HIVEP3: variants seen among roughly 807,000 people sequenced by gnomAD.
The protein encoded by HIVEP3 is transcription factor HIVEP3.
In HIVEP3, 49 loss-of-function variants were observed where a neutral mutation model predicts 152.8. That is an observed-to-expected ratio of 0.32 (90% CI 0.26 to 0.41). The LOEUF (loss-of-function observed/expected upper bound fraction) is 0.41, where lower values mean the gene tolerates loss of function less well. HIVEP3 is among the 10% of genes least tolerant of loss of function. The pLI is 1.00. For synonymous variants in HIVEP3, 1,269 were observed against 1,289.0 expected (o/e 0.98, Z 0.33); for missense variants, 2,790 against 3,103.3 (o/e 0.90, Z 2.40).
chr1:41,584,877 A>G lies in HIVEP3; in HGVS notation c.-80T>C. 7.5e-7 allele frequency: 1 copy of G among 1,332,428 alleles called. No homozygotes were observed. The highest frequency in any genetic ancestry group is 2.5e-5 in the East Asian group (1 of 40,226). The allele number at this position is 1,332,428 out of a possible 1,614,324, so 82.5% of individuals were successfully genotyped here. ...TATGAATAATCCCAGTGTCCCAAGG[A>G]GGTGTCCAGCTTTGGCCACATTGGT... On this transcript the variant is annotated 5_prime_UTR_variant, in exon 4 of 9. Coordinates refer to ENST00000372583, the MANE Select transcript of HIVEP3 (RefSeq NM_024503.5). This position sits in a 1 kb window ranked among gnomAD's most constrained non-coding sequence, Gnocchi z 5.2.
At position 41,583,372 on chromosome 1, in the gene HIVEP3, C is replaced by T. The variant is rs1290816861; in HGVS notation, c.1426G>A (p.Val476Met). 4 of 1,613,056 alleles carry T rather than the reference C, an allele frequency of 2.5e-6. No homozygotes were observed. The highest frequency in any genetic ancestry group is 2.2e-5 in the East Asian group (1 of 44,850). ...TKLITINEAV[V>M]DTSEIDSVKP... ...ACGCTGTCGATCTCGCTGGTGTCCA[C>T]CACGGCCTCGTTGATGGTGATGAGC... Residue 476 changes from valine to methionine, a missense_variant, in exon 4 of 9, where the codon GTG becomes ATG. Coordinates refer to ENST00000372583, the MANE Select transcript of HIVEP3 (RefSeq NM_024503.5). This position sits in a 1 kb window ranked among gnomAD's most constrained non-coding sequence, Gnocchi z 6.9.
intron 5 of HIVEP3, among the ~76,000 whole-genome samples, chr1:41,547,833 T>C (rs905700226): frequency 7.9e-5 from 12 of 151,150 alleles, no homozygotes; most frequent in African/African-American, 2.9e-4. Context: ...AGATATCCTT[T>C]CCTCCACACT....
chr1:41,582,722 A>G lies in HIVEP3; in HGVS notation c.2076T>C (p.His692=). The change falls in exon 4 of 9, where the codon CAT becomes CAC. Residue 692 remains histidine (H), a synonymous_variant. Coordinates refer to ENST00000372583, the MANE Select transcript of HIVEP3 (RefSeq NM_024503.5). The surrounding 1 kb of genome is among the most constrained non-coding windows in gnomAD (Gnocchi z 4.7). ...AATGCATCATTTGGGACCACGGCTC[A>G]TGCTCAATCTGACTCTTTTCAGCTT... ...SPEAEKSQIE[H]EPWSQMMHYK... is the part of the protein sequence containing the mutation. The G allele has an allele frequency of 6.2e-7, 1 of 1,614,170 alleles. No homozygotes were observed. Among genetic ancestry groups the G allele is most frequent in the East Asian group, 2.2e-5 (1 of 44,884 alleles).
In HIVEP3 at chr1:41,521,748, A is replaced by G. The variant is rs543562498; in HGVS notation, c.5383+2987T>C. On this transcript the variant is annotated intron_variant, in intron 6 of 8. Transcript: ENST00000372583. ...GAGGCGGAACCTCCGATAAAAGGGC[A>G]TCCACCAACAACCCTGCCTGCCTCA... Among the ~76,000 whole-genome samples, 18 of 152,354 alleles carry G rather than the reference A, an allele frequency of 1.2e-4. No individual in the cohort carries two copies. The East Asian group carries it at 3.1e-3, about 26-fold the overall frequency.
intron 5 of HIVEP3, among the ~76,000 whole-genome samples, chr1:41,545,552 C>CACCA (rs1643756575): frequency 8.2e-6 from 1 of 121,442 alleles, no homozygotes; most frequent in African/African-American, 3.0e-5. Flanking sequence ...CCACCATCAC[C>CACCA]ATCACTACCA....
intron 5 of HIVEP3, among the ~76,000 whole-genome samples, chr1:41,573,095 C>G (rs1305703115): frequency 3.3e-5 from 5 of 152,130 alleles, no homozygotes; most frequent in Non-Finnish European, 7.3e-5. Flanking sequence ...AGCTCCATAG[C>G]AGATCCTTCT....
At chr1:41,711,695 C>T (rs1397604612) in intron 1 of HIVEP3, among the ~76,000 whole-genome samples, 1 of 152,222 alleles carries the variant, frequency 6.6e-6, no homozygotes, top group Admixed American at 6.5e-5. Flanking sequence ...CTTCCTGCTA[C>T]CCCTTGGAGC....
At chr1:41,860,513 C>A (rs1643874181) in intron 1 of HIVEP3, among the ~76,000 whole-genome samples, 1 of 152,202 alleles carries the variant, frequency 6.6e-6, no homozygotes, top group Admixed American at 6.5e-5. Flanking sequence ...CTGGTCAAAA[C>A]CCTGCTAGGA....
intron 1 of HIVEP3, among the ~76,000 whole-genome samples, chr1:41,768,099 G>A (rs1456056048): frequency 6.6e-6 from 1 of 152,164 alleles, no homozygotes; most frequent in Non-Finnish European, 1.5e-5. Flanking sequence ...TTCCCCTCAA[G>A]CTGACACCAT....
chr1:41,546,048 GAC>G (rs1643796277), intron 5 of HIVEP3, among the ~76,000 whole-genome samples: 1 of 152,254 alleles, frequency 6.6e-6, no homozygotes, highest in South Asian at 2.1e-4. Flanking sequence ...CAACCTGAGT[GAC>G]CATGGCCCCT....
chr1:41,891,632 T>C (rs56245875), intron 1 of HIVEP3, among the ~76,000 whole-genome samples: 16,437 of 152,192 alleles, frequency 0.11, 1,167 homozygotes, highest in Non-Finnish European at 0.16. Flanking sequence ...TGTGTGGGGC[T>C]CCCTCCAGGT....
intron 5 of HIVEP3, among the ~76,000 whole-genome samples, chr1:41,525,154 G>A (rs1340102576): frequency 6.6e-6 from 1 of 152,190 alleles, no homozygotes; most frequent in African/African-American, 2.4e-5. Flanking sequence ...CAGAGCAGCA[G>A]ACACTGGCGC....
chr1:41,826,724 G>A (rs1326326490), intron 1 of HIVEP3, among the ~76,000 whole-genome samples: 2 of 152,190 alleles, frequency 1.3e-5, no homozygotes, highest in Non-Finnish European at 2.9e-5. Context: ...TTGTATGCTG[G>A]AGACGTGGTT....
At chr1:41,884,765 CTG>C (rs1644317000) in intron 1 of HIVEP3, among the ~76,000 whole-genome samples, 1 of 152,336 alleles carries the variant, frequency 6.6e-6, no homozygotes, top group South Asian at 2.1e-4. Context: ...GGTCTACCGT[CTG>C]TGCCTGGACT....
At chr1:41,669,177 G>T (rs187845556) in intron 2 of HIVEP3, among the ~76,000 whole-genome samples, 9 of 152,158 alleles carry the variant, frequency 5.9e-5, no homozygotes, top group Non-Finnish European at 1.0e-4. Flanking sequence ...TCCCAGCAAG[G>T]GTCCTGGGCA....
At chr1:41,702,835 A>T (rs1464991453) in intron 1 of HIVEP3, among the ~76,000 whole-genome samples, 1 of 152,222 alleles carries the variant, frequency 6.6e-6, no homozygotes, top group Non-Finnish European at 1.5e-5. Context: ...GGTCAAGGGT[A>T]AAGAGCCTTG....
upstream of HIVEP3, among the ~76,000 whole-genome samples, chr1:41,921,912 G>GCA (rs759340341): frequency 1.9e-4 from 29 of 151,398 alleles, no homozygotes; most frequent in Admixed American, 9.9e-4. Flanking sequence ...CAAAAAGTGC[G>GCA]CACACACACA....
chr1:41,719,847 T>C (rs1038185368), intron 1 of HIVEP3, among the ~76,000 whole-genome samples: 1 of 152,234 alleles, frequency 6.6e-6, no homozygotes, highest in African/African-American at 2.4e-5. Context: ...GTTCAGTGTC[T>C]TGCCTGAGTC....
chr1:41,666,587 TC>T (rs1645799380), intron 2 of HIVEP3, among the ~76,000 whole-genome samples: 1 of 152,154 alleles, frequency 6.6e-6, no homozygotes, highest in Non-Finnish European at 1.5e-5. Context: ...CTCAGAATCC[TC>T]CTCCTCTCAT....
Sources: allele counts gnomAD v4.1 joint callset (sites outside exome capture counted in the v4.1 genomes callset), GRCh38; gene constraint gnomAD v4.1.1; non-coding constraint Gnocchi (gnomAD v3.1); transcripts MANE v1.5; gene names NCBI Gene and HGNC (gene_info 2026-07-23, HGNC 2026-07-21).